KATNIP: variants seen among roughly 807,000 people sequenced by gnomAD.
The protein encoded by KATNIP is katanin interacting protein, also known as katanin-interacting protein.
A neutral mutation model predicts 174.0 loss-of-function variants in KATNIP; 126 were observed. The observed-to-expected ratio is 0.72, with a 90% CI of 0.63 to 0.84. The LOEUF is 0.84. Among genes scored for constraint, KATNIP ranks in the 40% least tolerant of loss-of-function variants. The pLI, the probability that KATNIP is intolerant of heterozygous loss-of-function variation, is 0.00. For missense variants in KATNIP, 1,958 were observed against 2,109.7 expected (o/e 0.93, Z 1.41); for synonymous variants, 810 against 835.7 (o/e 0.97, Z 0.53).
chr16:27,630,579 G>A (rs1028254789), intron 4 of KATNIP, among the ~76,000 whole-genome samples: 8 of 152,236 alleles, frequency 5.3e-5, no homozygotes, highest in African/African-American at 1.9e-4. Flanking sequence ...CAGACCTGCT[G>A]CTGCTAGTAA....
chr16:27,685,844 A>T (rs1353106754), intron 8 of KATNIP, among the ~76,000 whole-genome samples: 1 of 152,190 alleles, frequency 6.6e-6, no homozygotes, highest in African/African-American at 2.4e-5. Flanking sequence ...CATCTCACCT[A>T]GATATTAGGC....
intron 2 of KATNIP, among the ~76,000 whole-genome samples, chr16:27,596,001 G>T (rs1037295077): frequency 6.6e-6 from 1 of 152,132 alleles, no homozygotes; most frequent in African/African-American, 2.4e-5. Context: ...AGGGGTCAAG[G>T]CCAGGTCGTG....
At chr16:27,573,822 C>G in intron 1 of KATNIP, 79 bp from the exon 2 acceptor site, 1 of 1,333,026 alleles carries the variant, frequency 7.5e-7, no homozygotes, top group Non-Finnish European at 1.1e-6. Flanking sequence ...ATTCAGTTTG[C>G]AAATAAAAAT....
chr16:27,741,668 C>T (rs535551483), intron 15 of KATNIP, among the ~76,000 whole-genome samples: 1 of 152,198 alleles, frequency 6.6e-6, no homozygotes, highest in Non-Finnish European at 1.5e-5. Context: ...TTTGGGAGGC[C>T]GAGGCGGGCA....
rs1430622928 is a variant in KATNIP at position 27,631,106 on chromosome 16, T to A, written c.352T>A (p.Leu118Ile). ...TCTGTTTCGAGAAGCTGAAGAAGCC[T>A]TAAGACGCAGTTCACGGACAGCCCC... ...RTLFREAEEALRRSSRTAPSK... is the reference protein window; with the variant it reads ...RTLFREAEEAIRRSSRTAPSK... The change falls in exon 5 of 28, where the codon TTA becomes ATA. Residue 118 changes from leucine (L) to isoleucine (I), a missense_variant. This residue lies in a region of KATNIP where 1,557 missense variants were observed against 1,617.8 expected (regional missense o/e 0.96). Coordinates refer to ENST00000261588, the MANE Select transcript of KATNIP (RefSeq NM_015202.5). 2.5e-6 allele frequency: 4 copies of A among 1,578,388 alleles called. No homozygotes were observed. In the South Asian group the frequency reaches 4.6e-5, roughly 18 times the overall value.
chr16:27,677,809 T>C lies in KATNIP; in HGVS notation c.621T>C (p.Ile207=), dbSNP rs2142760177. ...GTTCCAGCGATGAGTATGACTCTAT[T>C]GAGGAAGACATACTCTCTGAGCCTG... The part of the protein sequence containing the change: ...KDCSSDEYDS[I]EEDILSEPEP... Residue 207 remains isoleucine (I), a synonymous_variant, in exon 7 of 28, where the codon ATT becomes ATC. Coordinates refer to ENST00000261588, the MANE Select transcript of KATNIP (RefSeq NM_015202.5). 6.2e-7 allele frequency: 1 copy of C among 1,614,122 alleles called. No homozygotes were observed. Among genetic ancestry groups the C allele is most frequent in the South Asian group, 1.1e-5 (1 of 91,084 alleles).
intron 17 of KATNIP, among the ~76,000 whole-genome samples, chr16:27,753,608 T>C (rs866593723): frequency 5.3e-5 from 8 of 152,350 alleles, no homozygotes; most frequent in Non-Finnish European, 8.8e-5. Flanking sequence ...TGGAAATCAC[T>C]TGGGTGGATC....
At chr16:27,575,149 G>A (rs2090453789) in intron 2 of KATNIP, among the ~76,000 whole-genome samples, 1 of 152,204 alleles carries the variant, frequency 6.6e-6, no homozygotes, top group Non-Finnish European at 1.5e-5. Context: ...GACAGAGAAA[G>A]TGAGATTTTA....
At chr16:27,559,680 C>CAA (rs113480942) in intron 1 of KATNIP, among the ~76,000 whole-genome samples, 2 of 108,302 alleles carry the variant, frequency 1.8e-5, no homozygotes, top group African/African-American at 7.0e-5. Flanking sequence ...GACCCTGTCT[C>CAA]AAAAAAAAAA....
intron 2 of KATNIP, 36 bp downstream of exon 2, chr16:27,573,992 A>G: frequency 6.3e-7 from 1 of 1,594,984 alleles, no homozygotes; most frequent in Middle Eastern, 1.7e-4. Context: ...ATGGGAGGCA[A>G]CTCTATTTGA....
intron 2 of KATNIP, among the ~76,000 whole-genome samples, chr16:27,581,404 T>A (rs1013370966): frequency 3.9e-5 from 6 of 151,950 alleles, no homozygotes; most frequent in African/African-American, 1.5e-4. Flanking sequence ...GGGATAGAGC[T>A]ATTTTTTTTC....
chr16:27,777,642 G>A lies in KATNIP; in HGVS notation c.4584G>A (p.Gly1528=), dbSNP rs377585218. ...LLVDDLLVYN[G]ILAMVSHLVG... is the part of the protein sequence containing the mutation. ...TGGACGACCTGCTTGTGTACAATGGGATCCTGGCCATGGTGAGCCACCTGG... is the reference window on the plus strand; with the variant it reads ...TGGACGACCTGCTTGTGTACAATGGAATCCTGGCCATGGTGAGCCACCTGG... Residue 1528 remains glycine (G), a synonymous_variant, in exon 26 of 28, where the codon GGG becomes GGA. Coordinates refer to ENST00000261588, the MANE Select transcript of KATNIP (RefSeq NM_015202.5). This position sits in a 1 kb window ranked among gnomAD's most constrained non-coding sequence, Gnocchi z 4.4. 1.2e-5 allele frequency: 19 copies of A among 1,613,304 alleles called. No homozygotes were observed. Among genetic ancestry groups the A allele is most frequent in the Non-Finnish European group, 1.5e-5 (18 of 1,179,740 alleles).
chr16:27,676,941 G>A (rs2078139215), intron 6 of KATNIP, among the ~76,000 whole-genome samples: 2 of 152,072 alleles, frequency 1.3e-5, no homozygotes, highest in Admixed American at 1.3e-4. Context: ...CAAAGTGATG[G>A]GATTACAAAC....
chr16:27,610,036 T>C (rs901317912), intron 2 of KATNIP, among the ~76,000 whole-genome samples: 1 of 150,092 alleles, frequency 6.7e-6, no homozygotes, highest in African/African-American at 2.5e-5. Context: ...AGGAGTGGGG[T>C]AGTGGGAGGT....
In KATNIP at chr16:27,749,916, G is replaced by A. The variant is rs2081434624; in HGVS notation, c.2956G>A (p.Gly986Arg). The change falls in exon 16 of 28, where the codon GGG becomes AGG. Residue 986 changes from glycine to arginine, a missense_variant. Coordinates refer to ENST00000261588, the MANE Select transcript of KATNIP (RefSeq NM_015202.5). ...GGTCATTGACATCAAGTCTACCTGG[G>A]GGGACAGACACTATGTCGGCCTCAA... ...RLVIDIKSTW[G>R]DRHYVGLNGI... is the part of the protein sequence containing the mutation. 6.2e-7 allele frequency: 1 copy of A among 1,614,154 alleles called. No individual in the cohort carries two copies. The highest frequency in any genetic ancestry group is 8.5e-7 in the Non-Finnish European group (1 of 1,180,020).
At chr16:27,656,016 A>G (rs2077270126) in intron 6 of KATNIP, among the ~76,000 whole-genome samples, 1 of 152,210 alleles carries the variant, frequency 6.6e-6, no homozygotes, top group Non-Finnish European at 1.5e-5. Context: ...CAGTGAATCC[A>G]TGACTGAAAA....
At chr16:27,703,761 C>G (rs1305666934) in intron 11 of KATNIP, 135 bp from the exon 12 acceptor site, 4 of 694,192 alleles carry the variant, frequency 5.8e-6, no homozygotes, top group African/African-American at 1.8e-5. Context: ...CTGCCCTTGC[C>G]TTTGAACTGG....
intron 8 of KATNIP, among the ~76,000 whole-genome samples, chr16:27,690,285 C>T (rs1250795355): frequency 6.6e-6 from 1 of 150,900 alleles, no homozygotes; most frequent in South Asian, 2.1e-4. Flanking sequence ...CATGGCACTC[C>T]AGCCCGGGTG....
chr16:27,602,294 C>G (rs1049425554), intron 2 of KATNIP, among the ~76,000 whole-genome samples: 2 of 152,144 alleles, frequency 1.3e-5, no homozygotes, highest in African/African-American at 4.8e-5. Flanking sequence ...CAGGTCTGCC[C>G]CAAGCCCTCC....
Sources: allele counts gnomAD v4.1 joint callset (sites outside exome capture counted in the v4.1 genomes callset), GRCh38; gene constraint gnomAD v4.1.1; regional missense constraint gnomAD v4.1.1; non-coding constraint Gnocchi (gnomAD v3.1); transcripts MANE v1.5; gene names NCBI Gene and HGNC (gene_info 2026-07-23, HGNC 2026-07-21).